GPC1: variants seen among roughly 807,000 people sequenced by gnomAD.
The protein encoded by GPC1 is glypican 1.
In GPC1, 26 loss-of-function variants were observed where a neutral mutation model predicts 51.5. The observed-to-expected ratio is 0.50, with a 90% confidence interval of 0.37 to 0.70. GPC1 has a LOEUF of 0.70. GPC1 is among the 30% of genes least tolerant of loss of function. GPC1 has a pLI of 0.00. For missense variants in GPC1, 775 were observed against 800.5 expected (o/e 0.97, Z 0.38); for synonymous variants, 380 against 348.3 (o/e 1.09, Z -1.01).
intron 1 of GPC1, chr2:240,449,738 C>T (rs1048684218): frequency 1.4e-4 from 60 of 433,476 alleles, no homozygotes; most frequent in Non-Finnish European, 2.3e-4. Context: ...CCCTGGTGCC[C>T]GCCATCCTTT....
chr2:240,458,312 GTC>G, intron 1 of GPC1: 1 of 282,768 alleles, frequency 3.5e-6, no homozygotes, highest in Non-Finnish European at 7.3e-6. Context: ...AGGTGAAGCT[GTC>G]TCTGATGGCA....
At position 240,450,916 on chromosome 2, in the gene GPC1, A is replaced by T. The variant is rs942001604; in HGVS notation, c.167-8114A>T. On this transcript the variant is annotated intron_variant, in intron 1 of 8. Transcript: ENST00000264039. ...TGGGACTGGAGGCCAGAGGCTGGGG[A>T]GGCTTCCTGAGGGAGGTGAGGGGAA... The T allele has an allele frequency of 1.0e-5, 4 of 401,866 alleles. No homozygotes were observed. In the Admixed American group the frequency reaches 1.2e-4, roughly 12 times the overall value. The allele number at this position is 401,866 out of a possible 1,614,324, so 24.9% of individuals were successfully genotyped here. A position where few individuals can be genotyped will look rare whatever the true frequency, so the allele number is the denominator to read the frequency against.
In GPC1 at chr2:240,462,541, G is replaced by T; in HGVS notation, c.676G>T (p.Gly226Cys). The T allele has an allele frequency of 6.4e-7, 1 of 1,552,750 alleles. No individual in the cohort carries two copies. ...AFVAARSFVQ[G>C]LGVASDVVRK... The stretch of plus-strand genomic sequence containing the variant: ...CGTGGCTGCTCGCTCCTTTGTGCAG[G>T]GCCTGGGCGTGGCCAGCGACGTGGT... The change falls in exon 3 of 9, where the codon GGC becomes TGC. Residue 226 changes from glycine to cysteine, a missense_variant. Transcript: ENST00000264039.
intron 1 of GPC1, among the ~76,000 whole-genome samples, chr2:240,443,215 C>T (rs2074029425): frequency 6.6e-6 from 1 of 152,254 alleles, no homozygotes; most frequent in South Asian, 2.1e-4. Context: ...GGAGCCCAGG[C>T]TGGGAGAGTC....
chr2:240,439,835 C>T (rs148682799), intron 1 of GPC1, among the ~76,000 whole-genome samples: 80 of 152,312 alleles, frequency 5.3e-4, no homozygotes, highest in Non-Finnish European at 9.6e-4. Context: ...TTTGCTGTGT[C>T]GCTGCTCTTC....
At chr2:240,462,156 A>G (rs539645563) in intron 2 of GPC1, 35 bp from the exon 3 acceptor site, 10 of 1,519,998 alleles carry the variant, frequency 6.6e-6, no homozygotes, top group Non-Finnish European at 8.9e-6. Flanking sequence ...GGCGGGGGAA[A>G]CATGGTCCCG....
intron 1 of GPC1, chr2:240,458,237 C>T: frequency 2.6e-6 from 1 of 380,166 alleles, no homozygotes; most frequent in Non-Finnish European, 5.6e-6. Flanking sequence ...CAGGTGGGCC[C>T]TGAGGTGTGC....
In GPC1 at chr2:240,465,102, G is replaced by A. The variant is rs757320317; in HGVS notation, c.1160G>A (p.Arg387His). ...KLVSEAKAQL[R>H]DVQDFWISLP... ...GTCTCCGAAGCCAAGGCCCAGCTCC[G>A]CGACGTCCAGGACTTCTGGATCAGC... is the stretch of plus-strand genomic sequence containing the variant. Residue 387 changes from arginine (R) to histidine (H), a missense_variant, in exon 7 of 9, where the codon CGC becomes CAC. Transcript: ENST00000264039. The A allele has an allele frequency of 4.3e-6, 7 of 1,610,006 alleles. No homozygotes were observed. The highest frequency in any genetic ancestry group is 4.0e-5 in the African/African-American group (3 of 74,910).
chr2:240,435,972 C>A lies in GPC1; in HGVS notation c.54C>A (p.Val18=). Residue 18 remains valine, a synonymous_variant, in exon 1 of 9, where the codon GTC becomes GTA. Coordinates refer to ENST00000264039, the MANE Select transcript of GPC1 (RefSeq NM_002081.3). Reference sequence around the variant, plus strand: ...TGCTATGTGCGGCCGCAGCGCTGGTCGCCTGCGCCCGCGGGGACCCGGCCA... The same window carrying A: ...TGCTATGTGCGGCCGCAGCGCTGGTAGCCTGCGCCCGCGGGGACCCGGCCA... ...WWLLCAAAAL[V]ACARGDPASK... The A allele has an allele frequency of 3.0e-6, 4 of 1,349,368 alleles. No homozygotes were observed. The highest frequency in any genetic ancestry group is 3.0e-5 in the East Asian group (1 of 32,818). 83.6% of individuals were successfully genotyped at this position (1,349,368 alleles called of 1,614,324 possible).
chr2:240,463,225 C>A, intron 3 of GPC1, 122 bp from the exon 4 acceptor site: 1 of 774,794 alleles, frequency 1.3e-6, no homozygotes, highest in Non-Finnish European at 2.1e-6. Context: ...CGAGCTGGGG[C>A]AGAGCAGAGG....
At chr2:240,449,178 ACCT>A (rs1200972542) in intron 1 of GPC1, 1 of 152,680 alleles carries the variant, frequency 6.5e-6, no homozygotes, top group Non-Finnish European at 1.5e-5. Context: ...GCGGCCTTAA[ACCT>A]CCTGCTGACA....
chr2:240,456,133 G>A (rs767306463), intron 1 of GPC1: 10 of 274,236 alleles, frequency 3.6e-5, no homozygotes, highest in Non-Finnish European at 6.5e-5. Flanking sequence ...GGCCGGGCGG[G>A]GCTGAGGGGT....
At chr2:240,438,202 G>A (rs78738272) in intron 1 of GPC1, among the ~76,000 whole-genome samples, 1,972 of 152,332 alleles carry the variant, frequency 0.013, 36 homozygotes, top group African/African-American at 0.043. Context: ...ACTGCACTGG[G>A]CAGGATTACT....
intron 2 of GPC1, among the ~76,000 whole-genome samples, chr2:240,460,470 C>T (rs1022282380): frequency 3.3e-5 from 5 of 152,204 alleles, no homozygotes; most frequent in South Asian, 2.1e-4. Flanking sequence ...CCCGCCCCAG[C>T]GTGCCACCCA....
chr2:240,464,668 T>G lies in GPC1; in HGVS notation c.936T>G (p.Ser312Arg), dbSNP rs1435472054. The change falls in exon 5 of 9, where the codon AGT becomes AGG. Residue 312 changes from serine (S) to arginine (R), a missense_variant. Coordinates refer to ENST00000264039, the MANE Select transcript of GPC1 (RefSeq NM_002081.3). ...TCTGGGGTACATCGGGTGTGGAGAG[T>G]GTCATCGGCAGCGTGCACACGTGGC... ...DKFWGTSGVESVIGSVHTWLA... is the reference protein window; with the variant it reads ...DKFWGTSGVERVIGSVHTWLA... 3 of 1,612,244 alleles carry G rather than the reference T, an allele frequency of 1.9e-6. No individual in the cohort carries two copies. In the Admixed American group the frequency reaches 5.0e-5, roughly 27 times the overall value.
At chr2:240,445,947 A>G (rs984992544) in intron 1 of GPC1, among the ~76,000 whole-genome samples, 1 of 152,180 alleles carries the variant, frequency 6.6e-6, no homozygotes. Context: ...GTTGTATCAC[A>G]TTCTGGTAAC....
At chr2:240,455,740 C>A (rs535221519) in intron 1 of GPC1, among the ~76,000 whole-genome samples, 1 of 152,212 alleles carries the variant, frequency 6.6e-6, no homozygotes, top group Non-Finnish European at 1.5e-5. Flanking sequence ...CCCTGGCATT[C>A]TTCCAGGAGG....
intron 1 of GPC1, among the ~76,000 whole-genome samples, chr2:240,454,548 G>A (rs1321803477): frequency 6.6e-6 from 1 of 152,248 alleles, no homozygotes; most frequent in Non-Finnish European, 1.5e-5. Flanking sequence ...GCAGGAGCGG[G>A]GAGGCCTAGG....
At chr2:240,447,300 A>G (rs1047288878) in intron 1 of GPC1, among the ~76,000 whole-genome samples, 7 of 152,174 alleles carry the variant, frequency 4.6e-5, no homozygotes, top group African/African-American at 1.7e-4. Flanking sequence ...TGTTCTGGGT[A>G]CCGGGACACA....
Sources: allele counts gnomAD v4.1 joint callset (sites outside exome capture counted in the v4.1 genomes callset), GRCh38; gene constraint gnomAD v4.1.1; transcripts MANE v1.5; gene names NCBI Gene and HGNC (gene_info 2026-07-23, HGNC 2026-07-21).